The following ARHGEF3 variants were observed in gnomAD, a reference collection of about 807,000 sequenced individuals.
ARHGEF3 encodes the protein Rho guanine nucleotide exchange factor 3.
A neutral mutation model predicts 63.2 loss-of-function variants in ARHGEF3; 28 were observed. The observed-to-expected ratio is 0.44, with a 90% CI of 0.33 to 0.61. The LOEUF is 0.61. ARHGEF3 is among the 20% of genes least tolerant of loss of function. ARHGEF3 has a pLI of 0.03. For missense variants in ARHGEF3, 533 were observed against 659.3 expected (o/e 0.81, Z 2.10); for synonymous variants, 266 against 254.2 (o/e 1.05, Z -0.44).
chr3:56,931,952 GT>G (rs527945076), intron 3 of ARHGEF3, among the ~76,000 whole-genome samples: 1 of 152,084 alleles, frequency 6.6e-6, no homozygotes. Context: ...GATTTATGGG[GT>G]TTTTTTGTTG....
chr3:56,746,084 T>C (rs1478775282), intron 6 of ARHGEF3, among the ~76,000 whole-genome samples: 1 of 152,234 alleles, frequency 6.6e-6, no homozygotes, highest in Non-Finnish European at 1.5e-5. Context: ...GCAAATACCA[T>C]GTCAGAGATT....
intron 2 of ARHGEF3, among the ~76,000 whole-genome samples, chr3:57,028,477 G>A (rs1015314779): frequency 1.9e-5 from 2 of 102,728 alleles, no homozygotes; most frequent in East Asian, 5.6e-4. Context: ...TCACTCATAG[G>A]TGGGAATTGA....
chr3:56,839,945 C>A (rs1230364106), intron 4 of ARHGEF3, among the ~76,000 whole-genome samples: 2 of 152,156 alleles, frequency 1.3e-5, no homozygotes, highest in Non-Finnish European at 2.9e-5. Context: ...CACGTTTCAT[C>A]TGACAGGAAT....
At chr3:56,853,283 A>T (rs1300652853) in intron 4 of ARHGEF3, among the ~76,000 whole-genome samples, 2 of 152,076 alleles carry the variant, frequency 1.3e-5, no homozygotes, top group Admixed American at 6.6e-5. Context: ...CACACTCAAA[A>T]ATATAACTGA....
At chr3:56,827,809 A>G (rs887757109) in intron 4 of ARHGEF3, among the ~76,000 whole-genome samples, 16 of 147,486 alleles carry the variant, frequency 1.1e-4, no homozygotes, top group African/African-American at 4.0e-4. Flanking sequence ...ATGGTCGCAC[A>G]CTCCCGTAGT....
intron 3 of ARHGEF3, among the ~76,000 whole-genome samples, chr3:56,922,655 C>A (rs1312723305): frequency 6.6e-6 from 1 of 152,176 alleles, no homozygotes; most frequent in Non-Finnish European, 1.5e-5. Flanking sequence ...ATTATTTTGA[C>A]TTCAGATAAC....
chr3:56,818,395 T>C (rs1322293164), intron 4 of ARHGEF3, among the ~76,000 whole-genome samples: 2 of 152,190 alleles, frequency 1.3e-5, no homozygotes, highest in East Asian at 1.9e-4. Context: ...GTAAGCTTAT[T>C]TGAGGTGCTT....
intron 4 of ARHGEF3, among the ~76,000 whole-genome samples, chr3:56,881,483 A>G (rs1379830193): frequency 6.6e-6 from 1 of 152,176 alleles, no homozygotes; most frequent in African/African-American, 2.4e-5. Context: ...TAGGCTTCCC[A>G]ATTGCATCAG....
chr3:56,789,020 A>ATGCTGCTGC lies in ARHGEF3; in HGVS notation c.96+12674_96+12682dup, dbSNP rs34620976. Among the ~76,000 whole-genome samples the ATGCTGCTGC allele has an allele frequency of 8.8e-3, 1,310 of 149,216 alleles. 15 individuals are homozygous for ATGCTGCTGC. Among genetic ancestry groups the ATGCTGCTGC allele is most frequent in the East Asian group, 0.021 (104 of 4,958 alleles). On this transcript the variant is annotated intron_variant, in intron 1 of 9. Coordinates refer to ENST00000296315, the MANE Select transcript of ARHGEF3 (RefSeq NM_019555.3). ...CTCAACTGATCTACGTTCAAGATAGATGCTGCTGCTGCTGCTGCTGCTGCT... is the reference window on the plus strand; with the variant it reads ...CTCAACTGATCTACGTTCAAGATAGATGCTGCTGCTGCTGCTGCTGCTGCTGCTGCTGCT...
chr3:57,014,048 T>C (rs1466852185), intron 2 of ARHGEF3, among the ~76,000 whole-genome samples: 1 of 152,076 alleles, frequency 6.6e-6, no homozygotes, highest in African/African-American at 2.4e-5. Context: ...ACCGCGAAGG[T>C]CTGGAGCTTC....
At chr3:56,851,821 C>A (rs1040839133) in intron 4 of ARHGEF3, among the ~76,000 whole-genome samples, 4 of 143,398 alleles carry the variant, frequency 2.8e-5, no homozygotes, top group African/African-American at 5.2e-5. Context: ...GTTGCCCAGG[C>A]TGGTCTTGAA....
chr3:56,943,203 C>G (rs1021717599), intron 3 of ARHGEF3, among the ~76,000 whole-genome samples: 1 of 152,190 alleles, frequency 6.6e-6, no homozygotes, highest in Non-Finnish European at 1.5e-5. Context: ...GAAGTCAATG[C>G]TTGGCTTCAA....
chr3:57,029,851 A>G (rs1234146970), intron 2 of ARHGEF3, among the ~76,000 whole-genome samples: 1 of 152,186 alleles, frequency 6.6e-6, no homozygotes, highest in East Asian at 1.9e-4. Context: ...GCTCTCCCTT[A>G]TGTTGGGTTT....
chr3:57,018,283 A>C (rs1703107886), intron 2 of ARHGEF3, among the ~76,000 whole-genome samples: 3 of 105,468 alleles, frequency 2.8e-5, no homozygotes, highest in Admixed American at 9.1e-5. Flanking sequence ...TGTCACAAAA[A>C]AAAAAAAAAA....
chr3:56,951,022 C>T (rs531774169), intron 3 of ARHGEF3, among the ~76,000 whole-genome samples: 7 of 151,692 alleles, frequency 4.6e-5, no homozygotes, highest in African/African-American at 9.7e-5. Flanking sequence ...AGCAAACTAT[C>T]GCAAGGACAA....
At chr3:56,813,099 A>G (rs2038133821) in intron 4 of ARHGEF3, among the ~76,000 whole-genome samples, 1 of 152,252 alleles carries the variant, frequency 6.6e-6, no homozygotes, top group Non-Finnish European at 1.5e-5. Flanking sequence ...ATGCAATAAG[A>G]CATAACTTTT....
At chr3:56,846,133 A>G (rs980223573) in intron 4 of ARHGEF3, among the ~76,000 whole-genome samples, 5 of 152,220 alleles carry the variant, frequency 3.3e-5, no homozygotes, top group African/African-American at 1.2e-4. Flanking sequence ...AATGTTTAAC[A>G]TGTAATCTCC....
At chr3:56,970,392 A>G (rs576956278) in intron 2 of ARHGEF3, among the ~76,000 whole-genome samples, 74 of 152,344 alleles carry the variant, frequency 4.9e-4, no homozygotes, top group South Asian at 1.4e-3. Context: ...AAATAAGCTG[A>G]GAAAGCAAGC....
chr3:56,861,398 G>C (rs867967020), intron 4 of ARHGEF3, among the ~76,000 whole-genome samples: 4 of 152,250 alleles, frequency 2.6e-5, no homozygotes, highest in Non-Finnish European at 5.9e-5. Flanking sequence ...AGGTTTGGTA[G>C]AAAACCAACA....
Sources: allele counts gnomAD v4.1 joint callset (sites outside exome capture counted in the v4.1 genomes callset), GRCh38; gene constraint gnomAD v4.1.1; transcripts MANE v1.5; gene names NCBI Gene and HGNC (gene_info 2026-07-23, HGNC 2026-07-21).